UNC5C: variants seen among roughly 807,000 people sequenced by gnomAD.
UNC5C encodes the protein netrin receptor UNC5C.
Under a neutral mutation model 99.8 loss-of-function variants are expected in UNC5C, and 47 were observed. That is an observed-to-expected ratio of 0.47 (90% CI 0.37 to 0.60). The LOEUF is 0.60. Among genes scored for constraint, UNC5C ranks in the 20% least tolerant of loss-of-function variants. The pLI is 0.00. For missense variants in UNC5C, 1,062 were observed against 1,165.9 expected (o/e 0.91, Z 1.30); for synonymous variants, 487 against 452.2 (o/e 1.08, Z -0.98).
intron 3 of UNC5C, among the ~76,000 whole-genome samples, chr4:95,281,908 C>G (rs752497147): frequency 5.3e-5 from 8 of 152,166 alleles, no homozygotes; most frequent in African/African-American, 9.7e-5. Context: ...GGCAACATCC[C>G]TGGACTCTAC....
intron 7 of UNC5C, among the ~76,000 whole-genome samples, chr4:95,239,762 G>A (rs931020868): frequency 1.1e-4 from 16 of 152,112 alleles, no homozygotes; most frequent in Non-Finnish European, 2.4e-4. Context: ...TTTGTATTAA[G>A]CGCTTAACAA....
intron 2 of UNC5C, among the ~76,000 whole-genome samples, chr4:95,324,460 T>C (rs994137747): frequency 6.6e-5 from 10 of 152,158 alleles, no homozygotes; most frequent in Non-Finnish European, 1.3e-4. Flanking sequence ...AGAAATAAAG[T>C]GCACAATAAA....
intron 1 of UNC5C, among the ~76,000 whole-genome samples, chr4:95,516,631 G>A (rs908753391): frequency 6.6e-6 from 1 of 152,120 alleles, no homozygotes; most frequent in Non-Finnish European, 1.5e-5. Flanking sequence ...AGTGGAGGGA[G>A]TAATGGATTT....
At chr4:95,215,090 A>C (rs976814050) in intron 10 of UNC5C, among the ~76,000 whole-genome samples, 1 of 152,242 alleles carries the variant, frequency 6.6e-6, no homozygotes, top group Non-Finnish European at 1.5e-5. Flanking sequence ...TATAAATGCC[A>C]GTATCTCCAC....
chr4:95,453,588 C>A (rs2149468311), intron 1 of UNC5C, among the ~76,000 whole-genome samples: 1 of 152,184 alleles, frequency 6.6e-6, no homozygotes, highest in Non-Finnish European at 1.5e-5. Context: ...CTAATGAGCT[C>A]CACCTCTTCT....
intron 2 of UNC5C, among the ~76,000 whole-genome samples, chr4:95,323,489 G>A (rs943869874): frequency 1.3e-5 from 2 of 152,296 alleles, no homozygotes; most frequent in Non-Finnish European, 2.9e-5. Flanking sequence ...ATTTAATGAA[G>A]AGCATGCCAA....
At chr4:95,191,657 C>G (rs559314928) in intron 12 of UNC5C, among the ~76,000 whole-genome samples, 2 of 150,538 alleles carry the variant, frequency 1.3e-5, no homozygotes, top group South Asian at 4.3e-4. Flanking sequence ...CTCCTCTGTT[C>G]GCCGCCTCCT....
chr4:95,190,395 G>A (rs376963318), intron 12 of UNC5C, among the ~76,000 whole-genome samples: 1 of 152,072 alleles, frequency 6.6e-6, no homozygotes, highest in Non-Finnish European at 1.5e-5. Context: ...ATGTAAATGA[G>A]GAGTTAATGG....
At chr4:95,533,086 T>C (rs549130085) in intron 1 of UNC5C, among the ~76,000 whole-genome samples, 4 of 152,168 alleles carry the variant, frequency 2.6e-5, no homozygotes, top group African/African-American at 9.6e-5. Context: ...GGTAACATCA[T>C]TTAATCATTA....
At chr4:95,223,462 C>T (rs1489274238) in intron 7 of UNC5C, among the ~76,000 whole-genome samples, 1 of 152,132 alleles carries the variant, frequency 6.6e-6, no homozygotes, top group African/African-American at 2.4e-5. Context: ...GTAGCACTTC[C>T]GTAGTTTGCC....
At chr4:95,320,658 G>A (rs77983328) in intron 2 of UNC5C, among the ~76,000 whole-genome samples, 8,643 of 152,154 alleles carry the variant, frequency 0.057, 767 homozygotes, top group African/African-American at 0.2. Flanking sequence ...TGAAATGTCC[G>A]TTTCAGTAGC....
At chr4:95,426,672 T>C (rs1452539920) in intron 1 of UNC5C, among the ~76,000 whole-genome samples, 2 of 152,184 alleles carry the variant, frequency 1.3e-5, no homozygotes, top group Non-Finnish European at 2.9e-5. Flanking sequence ...ACAGCCTCAT[T>C]GTTGATACAC....
chr4:95,236,437 G>A (rs1739117105), intron 7 of UNC5C, among the ~76,000 whole-genome samples: 3 of 144,960 alleles, frequency 2.1e-5, no homozygotes, highest in Non-Finnish European at 4.5e-5. Flanking sequence ...CTGTTGAGCA[G>A]TTGGGGGAGG....
chr4:95,372,959 A>G (rs1744790094), intron 1 of UNC5C, among the ~76,000 whole-genome samples: 1 of 152,196 alleles, frequency 6.6e-6, no homozygotes, highest in Admixed American at 6.5e-5. Context: ...TAAAAACAAT[A>G]CAAGGTTGTA....
chr4:95,188,648 C>G (rs1736934002), intron 12 of UNC5C, among the ~76,000 whole-genome samples: 1 of 152,196 alleles, frequency 6.6e-6, no homozygotes, highest in Non-Finnish European at 1.5e-5. Flanking sequence ...CGCACATGAT[C>G]TCATTTTGGT....
At chr4:95,375,747 T>C (rs1744875666) in intron 1 of UNC5C, among the ~76,000 whole-genome samples, 2 of 152,204 alleles carry the variant, frequency 1.3e-5, no homozygotes, top group Admixed American at 6.5e-5. Context: ...TTTAGCATTA[T>C]TGTGGAAGTT....
intron 1 of UNC5C, among the ~76,000 whole-genome samples, chr4:95,481,315 C>G (rs1358622325): frequency 2.0e-5 from 3 of 151,966 alleles, no homozygotes; most frequent in Non-Finnish European, 4.4e-5. Flanking sequence ...ATGTGAAGGA[C>G]CTCTTCAAGG....
chr4:95,335,320 T>C, intron 2 of UNC5C, 90 bp downstream of exon 2: 2 of 1,205,470 alleles, frequency 1.7e-6, no homozygotes, highest in Non-Finnish European at 2.3e-6. Flanking sequence ...CCATTTTCCA[T>C]TCCACTAATT....
intron 1 of UNC5C, among the ~76,000 whole-genome samples, chr4:95,421,412 TA>T (rs1243267838): frequency 3.9e-5 from 6 of 152,194 alleles, no homozygotes; most frequent in Admixed American, 3.9e-4. Flanking sequence ...ATTGGAAAAG[TA>T]AAAATAAATT....
Sources: allele counts gnomAD v4.1 joint callset (sites outside exome capture counted in the v4.1 genomes callset), GRCh38; gene constraint gnomAD v4.1.1; transcripts MANE v1.5; gene names NCBI Gene and HGNC (gene_info 2026-07-23, HGNC 2026-07-21).